EXOC4: variants seen among roughly 807,000 people sequenced by gnomAD.
EXOC4 encodes exocyst complex component 4.
EXOC4 carries 71 observed loss-of-function variants against 107.2 expected under a neutral mutation model. That is an observed-to-expected ratio of 0.66 (90% CI 0.55 to 0.81). The LOEUF (loss-of-function observed/expected upper bound fraction) is 0.81, where lower values mean the gene tolerates loss of function less well. EXOC4 is among the 30% of genes least tolerant of loss of function. The probability of loss-of-function intolerance (pLI) is 0.00; values close to 1 mark genes in which losing one functional copy is unlikely to be tolerated. For missense variants in EXOC4, 1,108 were observed against 1,189.6 expected (o/e 0.93, Z 1.01); for synonymous variants, 456 against 441.2 (o/e 1.03, Z -0.42).
chr7:133,369,606 C>A (rs1796319609), intron 6 of EXOC4, among the ~76,000 whole-genome samples: 2 of 152,050 alleles, frequency 1.3e-5, no homozygotes, highest in Non-Finnish European at 2.9e-5. Flanking sequence ...TGGTCCTGGA[C>A]CTCACTTGCT....
intron 10 of EXOC4, among the ~76,000 whole-genome samples, chr7:133,724,019 A>ATT (rs1795163079): frequency 6.6e-6 from 1 of 152,186 alleles, no homozygotes; most frequent in Non-Finnish European, 1.5e-5. Flanking sequence ...ATATATATTA[A>ATT]AAAAACTTAC....
chr7:133,262,347 G>T (rs1313601754), intron 1 of EXOC4, among the ~76,000 whole-genome samples: 3 of 151,666 alleles, frequency 2.0e-5, no homozygotes, highest in African/African-American at 4.8e-5. Flanking sequence ...TTATGACCTT[G>T]GTCCTTATAG....
chr7:133,600,468 A>T (rs1801780291), intron 9 of EXOC4, among the ~76,000 whole-genome samples: 1 of 152,176 alleles, frequency 6.6e-6, no homozygotes, highest in South Asian at 2.1e-4. Flanking sequence ...GTGAAATAAG[A>T]GTGGTGTAGT....
chr7:133,293,551 A>G (rs1794453652), intron 3 of EXOC4, among the ~76,000 whole-genome samples: 1 of 152,232 alleles, frequency 6.6e-6, no homozygotes, highest in Non-Finnish European at 1.5e-5. Context: ...CTCAGAATAG[A>G]TTAATAAATC....
intron 4 of EXOC4, among the ~76,000 whole-genome samples, chr7:133,307,213 GAGAA>G (rs1794771943): frequency 6.6e-6 from 1 of 152,178 alleles, no homozygotes. Context: ...GATCCTGACA[GAGAA>G]AGAGAGGTTT....
chr7:133,419,136 T>G (rs570308006), intron 7 of EXOC4, among the ~76,000 whole-genome samples: 3 of 152,138 alleles, frequency 2.0e-5, no homozygotes, highest in South Asian at 2.1e-4. Context: ...TTAAAGAAGG[T>G]AGAAGTGGAG....
the EXOC4 span, among the ~76,000 whole-genome samples, chr7:134,085,192 T>C: frequency 6.6e-6 from 1 of 152,178 alleles, no homozygotes; most frequent in Non-Finnish European, 1.5e-5. Context: ...TCTCAGGCCA[T>C]GTTTAGTTCA....
At chr7:133,339,974 C>T (rs755306997) in intron 5 of EXOC4, among the ~76,000 whole-genome samples, 1 of 152,114 alleles carries the variant, frequency 6.6e-6, no homozygotes, top group Admixed American at 6.5e-5. Context: ...GTTTCACTTC[C>T]TCTTTACTAA....
intron 9 of EXOC4, among the ~76,000 whole-genome samples, chr7:133,516,698 G>A (rs536471007): frequency 1.5e-5 from 2 of 136,714 alleles, no homozygotes; most frequent in South Asian, 2.5e-4. Context: ...GAAGTGGAAA[G>A]TCTGGATCAT....
At chr7:133,422,201 C>A (rs1797623492) in intron 7 of EXOC4, among the ~76,000 whole-genome samples, 1 of 152,136 alleles carries the variant, frequency 6.6e-6, no homozygotes, top group Non-Finnish European at 1.5e-5. Flanking sequence ...GCCATATATA[C>A]CTTTCTTCAT....
chr7:133,848,578 C>A (rs1798181015), intron 11 of EXOC4, among the ~76,000 whole-genome samples: 1 of 152,184 alleles, frequency 6.6e-6, no homozygotes, highest in Non-Finnish European at 1.5e-5. Flanking sequence ...TAGTTATTGT[C>A]CCTGAATGCA....
At chr7:133,970,843 A>G (rs1409143571) in intron 14 of EXOC4, among the ~76,000 whole-genome samples, 1 of 151,734 alleles carries the variant, frequency 6.6e-6, no homozygotes, top group South Asian at 2.1e-4. Context: ...CTGCTTCAAG[A>G]TGGTGAGCTA....
intron 7 of EXOC4, among the ~76,000 whole-genome samples, chr7:133,384,145 G>A (rs1033138256): frequency 1.3e-5 from 2 of 152,144 alleles, no homozygotes; most frequent in Non-Finnish European, 2.9e-5. Flanking sequence ...CAGAGTGCTA[G>A]GGTGTCTAAT....
At chr7:133,838,916 G>A (rs933878094) in intron 11 of EXOC4, among the ~76,000 whole-genome samples, 1 of 152,122 alleles carries the variant, frequency 6.6e-6, no homozygotes, top group East Asian at 1.9e-4. Context: ...GCTGTAGTTT[G>A]CCAACCCCTG....
the EXOC4 span, among the ~76,000 whole-genome samples, chr7:134,086,441 G>A: frequency 6.6e-6 from 1 of 152,284 alleles, no homozygotes; most frequent in South Asian, 2.1e-4. Flanking sequence ...AAAGTATGTA[G>A]GGGAGCAAAC....
At chr7:133,562,548 C>G (rs1373242884) in intron 9 of EXOC4, among the ~76,000 whole-genome samples, 9 of 152,110 alleles carry the variant, frequency 5.9e-5, no homozygotes, top group Non-Finnish European at 4.4e-5. Flanking sequence ...TCTTTCTTAC[C>G]TAGGAAAAAT....
chr7:133,532,542 G>A (rs1209466809), intron 9 of EXOC4, among the ~76,000 whole-genome samples: 1 of 152,002 alleles, frequency 6.6e-6, no homozygotes, highest in Non-Finnish European at 1.5e-5. Flanking sequence ...AAAAAATGAA[G>A]CATAATGCTA....
At chr7:134,057,031 A>G (rs942397710) in intron 17 of EXOC4, among the ~76,000 whole-genome samples, 5 of 152,216 alleles carry the variant, frequency 3.3e-5, no homozygotes, top group African/African-American at 4.8e-5. Context: ...GCGTCTCCCC[A>G]GGAGAACCCC....
At chr7:133,746,992 G>A (rs9641958) in intron 10 of EXOC4, among the ~76,000 whole-genome samples, 150,194 of 152,282 alleles carry the variant, frequency 0.99, 74,115 homozygotes, top group Middle Eastern at 1. Flanking sequence ...TCAGACTGGT[G>A]TTTATTGACT....
Sources: allele counts gnomAD v4.1 joint callset (sites outside exome capture counted in the v4.1 genomes callset), GRCh38; gene constraint gnomAD v4.1.1; transcripts MANE v1.5; gene names NCBI Gene and HGNC (gene_info 2026-07-23, HGNC 2026-07-21).